WWC2: variants seen among roughly 807,000 people sequenced by gnomAD.
The protein encoded by WWC2 is protein WWC2.
WWC2 carries 101 observed loss-of-function variants against 138.5 expected under a neutral mutation model. That is an observed-to-expected ratio of 0.73 (90% CI 0.62 to 0.86). WWC2 has a LOEUF of 0.86. Among genes scored for constraint, WWC2 ranks in the 40% least tolerant of loss-of-function variants. The pLI is 0.00. For missense variants in WWC2, 1,420 were observed against 1,419.4 expected, an observed-to-expected ratio of 1.00 and a Z score of -0.01; for synonymous variants, 558 against 538.4, an observed-to-expected ratio of 1.04 and a Z score of -0.50.
At chr4:183,241,360 G>T (rs764498224) in intron 5 of WWC2, among the ~76,000 whole-genome samples, 25 of 152,148 alleles carry the variant, frequency 1.6e-4, no homozygotes, top group Non-Finnish European at 3.5e-4. Flanking sequence ...TGTGTCACTG[G>T]CCAGATAAAC....
chr4:183,132,400 A>T (rs1409367346), intron 1 of WWC2, among the ~76,000 whole-genome samples: 1 of 152,058 alleles, frequency 6.6e-6, no homozygotes, highest in African/African-American at 2.4e-5. Flanking sequence ...TAGCTTGCTA[A>T]GAGGTTTCTT....
intron 1 of WWC2, among the ~76,000 whole-genome samples, chr4:183,134,674 C>T (rs1733054842): frequency 6.6e-6 from 1 of 152,008 alleles, no homozygotes; most frequent in Non-Finnish European, 1.5e-5. Context: ...TCACATAATT[C>T]TCATGATTTT....
At chr4:183,167,877 G>T (rs1388148456) in intron 1 of WWC2, among the ~76,000 whole-genome samples, 1 of 132,774 alleles carries the variant, frequency 7.5e-6, no homozygotes. Flanking sequence ...TTTTTTTTGA[G>T]ATGATGTCTT....
chr4:183,301,065 A>C (rs1738824342), intron 21 of WWC2, among the ~76,000 whole-genome samples: 1 of 152,208 alleles, frequency 6.6e-6, no homozygotes, highest in African/African-American at 2.4e-5. Flanking sequence ...AAATCAGTCA[A>C]CAGATGTCTG....
At chr4:183,164,387 TATATATACATATATATTATATATA>T (rs576974908) in intron 1 of WWC2, among the ~76,000 whole-genome samples, 317 of 1,310 alleles carry the variant, frequency 0.24, 18 homozygotes, top group South Asian at 0.31. Context: ...ATATATATAT[TATATATACATATATATTATATATA>T]ATATATATAT....
chr4:183,278,096 T>C (rs1452966609), intron 16 of WWC2, among the ~76,000 whole-genome samples: 1 of 152,104 alleles, frequency 6.6e-6, no homozygotes, highest in Non-Finnish European at 1.5e-5. Context: ...TCTTCTAGGG[T>C]TTTTATGGTT....
chr4:183,190,722 T>C (rs969672323), intron 1 of WWC2, among the ~76,000 whole-genome samples: 6 of 152,220 alleles, frequency 3.9e-5, no homozygotes, highest in African/African-American at 1.4e-4. Context: ...CATGTATACC[T>C]GTAGATGTAA....
intron 1 of WWC2, among the ~76,000 whole-genome samples, chr4:183,121,423 AT>A (rs1732597067): frequency 6.6e-6 from 1 of 152,138 alleles, no homozygotes; most frequent in Non-Finnish European, 1.5e-5. Flanking sequence ...TCCAAAATTC[AT>A]AATGCTCCAA....
At chr4:183,252,261 A>G (rs759993270) in intron 8 of WWC2, among the ~76,000 whole-genome samples, 4 of 152,216 alleles carry the variant, frequency 2.6e-5, no homozygotes, top group African/African-American at 9.7e-5. Flanking sequence ...ACTGTTAACA[A>G]TATCCAAAGT....
chr4:183,226,084 T>C (rs1736062677), intron 4 of WWC2, among the ~76,000 whole-genome samples: 1 of 146,718 alleles, frequency 6.8e-6, no homozygotes, highest in Non-Finnish European at 1.5e-5. Context: ...ACTTTTCTTT[T>C]CTTTTCTTTT....
intron 4 of WWC2, among the ~76,000 whole-genome samples, chr4:183,231,829 C>T (rs1391742112): frequency 6.6e-6 from 1 of 152,088 alleles, no homozygotes; most frequent in Admixed American, 6.5e-5. Context: ...AGTTTGGTTG[C>T]AGTTCTGAAT....
intron 1 of WWC2, 107 bp downstream of exon 1, chr4:183,099,729 G>A (rs1743102680): frequency 9.2e-7 from 1 of 1,092,068 alleles, no homozygotes; most frequent in Non-Finnish European, 1.1e-6. Context: ...GGTGCCCCGA[G>A]GGGTCCCGGG....
intron 1 of WWC2, among the ~76,000 whole-genome samples, chr4:183,140,606 A>C (rs1733272621): frequency 6.6e-6 from 1 of 152,222 alleles, no homozygotes; most frequent in South Asian, 2.1e-4. Flanking sequence ...AGTACTTTAA[A>C]GAATATATTG....
intron 1 of WWC2, among the ~76,000 whole-genome samples, chr4:183,172,541 G>A (rs964469348): frequency 1.8e-4 from 26 of 145,914 alleles, no homozygotes; most frequent in Admixed American, 2.1e-4. Context: ...GAGGTCTGAT[G>A]CTTTTATGTT....
At chr4:183,238,914 A>G (rs1736517093) in intron 4 of WWC2, among the ~76,000 whole-genome samples, 1 of 152,220 alleles carries the variant, frequency 6.6e-6, no homozygotes, top group Admixed American at 6.5e-5. Context: ...CAGGCCTAGC[A>G]CCAGACACAT....
At chr4:183,243,974 T>G (rs1736694164) in intron 5 of WWC2, among the ~76,000 whole-genome samples, 1 of 152,180 alleles carries the variant, frequency 6.6e-6, no homozygotes, top group Non-Finnish European at 1.5e-5. Flanking sequence ...GAGTGGACTT[T>G]GTTTGGAAGA....
intron 2 of WWC2, 102 bp from the exon 3 acceptor site, chr4:183,207,851 C>A: frequency 8.9e-7 from 1 of 1,123,648 alleles, no homozygotes; most frequent in Non-Finnish European, 1.2e-6. Flanking sequence ...AAATAAACTC[C>A]TTAGAGGATA....
At chr4:183,139,835 C>CA (rs1733239697) in intron 1 of WWC2, among the ~76,000 whole-genome samples, 1 of 152,168 alleles carries the variant, frequency 6.6e-6, no homozygotes, top group African/African-American at 2.4e-5. Flanking sequence ...TAAATTGAGA[C>CA]AGAGTCTCAT....
chr4:183,108,761 C>T (rs1057465888), intron 1 of WWC2, among the ~76,000 whole-genome samples: 2 of 152,082 alleles, frequency 1.3e-5, no homozygotes, highest in African/African-American at 4.8e-5. Flanking sequence ...CAGGCATGTG[C>T]CACCACACCC....
Sources: gnomAD v4.1 joint callset for allele counts (sites outside exome capture counted in the v4.1 genomes callset) on GRCh38, gnomAD v4.1.1 for gene constraint, MANE v1.5 for transcripts, NCBI Gene and HGNC (gene_info 2026-07-23, HGNC 2026-07-21) for gene names.